Variants in FOXP1 observed in about 807,000 individuals in gnomAD.
FOXP1 encodes the protein forkhead box protein P1.
FOXP1 carries 15 observed loss-of-function variants against 98.2 expected under a neutral mutation model. The ratio of observed to expected loss-of-function variants is 0.15; its 90% CI spans 0.10 to 0.24. The LOEUF (loss-of-function observed/expected upper bound fraction) is 0.24, where lower values mean the gene tolerates loss of function less well. Among genes scored for constraint, FOXP1 ranks in the 10% least tolerant of loss-of-function variants. The pLI, the probability that FOXP1 is intolerant of heterozygous loss-of-function variation, is 1.00. For missense variants in FOXP1, 633 were observed against 848.5 expected (o/e 0.75, Z 3.15); for synonymous variants, 371 against 314.5 (o/e 1.18, Z -1.90).
intron 2 of FOXP1, among the ~76,000 whole-genome samples, chr3:71,502,981 A>G (rs571784664): frequency 3.2e-3 from 2 of 626 alleles, no homozygotes; most frequent in African/African-American, 7.4e-3. Flanking sequence ...TTACAATTAG[A>G]AAAAAAAAAA....
At chr3:71,521,154 G>C (rs1016195382) in intron 2 of FOXP1, among the ~76,000 whole-genome samples, 8 of 152,062 alleles carry the variant, frequency 5.3e-5, no homozygotes, top group African/African-American at 9.7e-5. Context: ...AGCAAGGAAA[G>C]CTCCTGAAAG....
chr3:71,169,257 G>A (rs1274583032), intron 6 of FOXP1, among the ~76,000 whole-genome samples: 6 of 152,170 alleles, frequency 3.9e-5, no homozygotes, highest in African/African-American at 1.2e-4. Context: ...GGCAGTAAAT[G>A]GACGCCTCTG....
intron 5 of FOXP1, among the ~76,000 whole-genome samples, chr3:71,218,613 A>G (rs913027238): frequency 1.3e-5 from 2 of 152,174 alleles, no homozygotes; most frequent in African/African-American, 4.8e-5. Context: ...AAATATTTTC[A>G]GCTTTGCAGG....
At chr3:71,001,740 G>C (rs576329093) in intron 12 of FOXP1, among the ~76,000 whole-genome samples, 2 of 152,264 alleles carry the variant, frequency 1.3e-5, no homozygotes, top group South Asian at 2.1e-4. Context: ...CTATTTATTA[G>C]ACTTTCCAAC....
At chr3:71,228,176 G>C (rs1238328492) in intron 5 of FOXP1, among the ~76,000 whole-genome samples, 1 of 152,144 alleles carries the variant, frequency 6.6e-6, no homozygotes, top group African/African-American at 2.4e-5. Context: ...CACGGAAAGA[G>C]AGGATATTTA....
intron 2 of FOXP1, among the ~76,000 whole-genome samples, chr3:71,522,948 C>T (rs1399083140): frequency 6.6e-6 from 1 of 152,180 alleles, no homozygotes; most frequent in African/African-American, 2.4e-5. Context: ...CTGAATTCAA[C>T]TATATGAACT....
At chr3:71,341,926 T>C (rs2077033555) in intron 4 of FOXP1, among the ~76,000 whole-genome samples, 1 of 152,228 alleles carries the variant, frequency 6.6e-6, no homozygotes, top group South Asian at 2.1e-4. Flanking sequence ...AGAACATGCA[T>C]GAGTCGCTTC....
At chr3:71,581,385 T>C (rs1263959216) in intron 2 of FOXP1, 164 bp downstream of exon 2, 1 of 985,222 alleles carries the variant, frequency 1.0e-6, no homozygotes, top group Non-Finnish European at 1.2e-6. Flanking sequence ...AGTCCAGTAT[T>C]TCGAAGCACC....
In FOXP1 at chr3:71,073,425, T is replaced by C. The variant is rs566493456; in HGVS notation, c.283-19652A>G. Among the ~76,000 whole-genome samples the C allele has an allele frequency of 3.9e-5, 6 of 152,318 alleles. No homozygotes were observed. The South Asian group carries it at 1.2e-3, about 32-fold the overall frequency. On this transcript the variant is annotated intron_variant, in intron 7 of 20. Transcript: ENST00000649528. ...ACAGCAATCCCCCTTATCTCTGAAG[T>C]CTGCAAAGCCCTGTCAACATTCTTA...
At chr3:71,208,536 T>TTGTGTG (rs1553780525) in intron 5 of FOXP1, among the ~76,000 whole-genome samples, 25 of 149,454 alleles carry the variant, frequency 1.7e-4, no homozygotes, top group South Asian at 6.4e-4. Context: ...GCATTTAAGT[T>TTGTGTG]TGTGTGTGTG....
intron 5 of FOXP1, among the ~76,000 whole-genome samples, chr3:71,248,959 G>C (rs1301935248): frequency 6.6e-6 from 1 of 152,160 alleles, no homozygotes; most frequent in Non-Finnish European, 1.5e-5. Context: ...GAAGGAGAAA[G>C]AGCTGCATTG....
intron 6 of FOXP1, among the ~76,000 whole-genome samples, chr3:71,139,676 C>G (rs530529131): frequency 6.6e-6 from 1 of 152,180 alleles, no homozygotes; most frequent in East Asian, 1.9e-4. Flanking sequence ...TGCTTTGGTT[C>G]TATTACTTCC....
chr3:71,386,308 T>C (rs1165862430), intron 3 of FOXP1, among the ~76,000 whole-genome samples: 1 of 152,342 alleles, frequency 6.6e-6, no homozygotes. Context: ...CCACTGGCAA[T>C]AGAGTCAGTC....
At chr3:71,209,283 A>G (rs1384064509) in intron 5 of FOXP1, among the ~76,000 whole-genome samples, 2 of 152,232 alleles carry the variant, frequency 1.3e-5, no homozygotes, top group African/African-American at 2.4e-5. Flanking sequence ...TAATGTTTTC[A>G]TGCTTCAGTA....
intron 5 of FOXP1, among the ~76,000 whole-genome samples, chr3:71,240,686 C>T (rs906549509): frequency 2.6e-5 from 4 of 151,642 alleles, no homozygotes; most frequent in Non-Finnish European, 5.9e-5. Flanking sequence ...GGATTACAGG[C>T]GCGTGCCACC....
chr3:71,254,380 G>GCTGA (rs1281622331), intron 5 of FOXP1, among the ~76,000 whole-genome samples: 3 of 152,306 alleles, frequency 2.0e-5, no homozygotes, highest in African/African-American at 7.2e-5. Context: ...TGACTACTGG[G>GCTGA]CTGACCTCAC....
intron 20 of FOXP1, among the ~76,000 whole-genome samples, chr3:70,965,132 A>G (rs1017415729): frequency 7.9e-5 from 12 of 152,202 alleles, no homozygotes; most frequent in African/African-American, 2.9e-4. Flanking sequence ...AAAGCCAATC[A>G]TTTGGAATAA....
At chr3:71,502,651 A>T (rs1393733626) in intron 2 of FOXP1, among the ~76,000 whole-genome samples, 1 of 152,200 alleles carries the variant, frequency 6.6e-6, no homozygotes, top group African/African-American at 2.4e-5. Context: ...ACTGGATGAG[A>T]ACAAGAATTA....
chr3:71,156,518 A>G (rs2108102426), intron 6 of FOXP1, among the ~76,000 whole-genome samples: 1 of 152,208 alleles, frequency 6.6e-6, no homozygotes, highest in East Asian at 1.9e-4. Flanking sequence ...GGGGGGGAAA[A>G]GAGTGAGCAA....
Sources: gnomAD v4.1 joint callset for allele counts (sites outside exome capture counted in the v4.1 genomes callset) on GRCh38, gnomAD v4.1.1 for gene constraint, MANE v1.5 for transcripts, NCBI Gene and HGNC (gene_info 2026-07-23, HGNC 2026-07-21) for gene names.